Variants in AKAP13 observed in about 807,000 individuals in gnomAD.
AKAP13 encodes the protein A-kinase anchoring protein 13, also known as A-kinase anchor protein 13.
AKAP13 carries 80 observed loss-of-function variants against 264.5 expected under a neutral mutation model. The ratio of observed to expected loss-of-function variants is 0.30; its 90% confidence interval spans 0.25 to 0.36. AKAP13 has a LOEUF of 0.36. Among genes scored for constraint, AKAP13 ranks in the 10% least tolerant of loss-of-function variants. The pLI is 1.00. For synonymous variants in AKAP13, 1,380 were observed against 1,250.2 expected, an observed-to-expected ratio of 1.10 and a Z score of -2.19; for missense variants, 3,712 against 3,435.2, an observed-to-expected ratio of 1.08 and a Z score of -2.01.
intron 1 of AKAP13, among the ~76,000 whole-genome samples, chr15:85,424,931 A>G (rs1333504560): frequency 6.6e-6 from 1 of 152,234 alleles, no homozygotes; most frequent in Non-Finnish European, 1.5e-5. Flanking sequence ...GAGCAGTTAG[A>G]ACATACACAA....
intron 14 of AKAP13, 31 bp from the exon 15 acceptor site, chr15:85,682,127 G>T: frequency 1.2e-6 from 2 of 1,610,608 alleles, no homozygotes; most frequent in Non-Finnish European, 1.7e-6. Context: ...AAATTTTTTG[G>T]TTCTAACTTT....
chr15:85,386,492 G>A (rs193105026), intron 1 of AKAP13, among the ~76,000 whole-genome samples: 105 of 151,666 alleles, frequency 6.9e-4, no homozygotes, highest in African/African-American at 2.4e-3. Flanking sequence ...GTTTCACCAT[G>A]TTGACCAGGG....
chr15:85,585,432 A>G (rs774175122), intron 7 of AKAP13, among the ~76,000 whole-genome samples: 27 of 152,236 alleles, frequency 1.8e-4, no homozygotes, highest in Admixed American at 1.3e-3. Context: ...TAAAAAGTCA[A>G]TAGTGAAATG....
intron 1 of AKAP13, among the ~76,000 whole-genome samples, chr15:85,422,968 G>A (rs375617463): frequency 5.9e-5 from 9 of 152,162 alleles, no homozygotes; most frequent in African/African-American, 1.9e-4. Context: ...TTTGTTTCCC[G>A]GTGCATATGT....
intron 34 of AKAP13, 144 bp downstream of exon 34, chr15:85,740,416 T>A: frequency 1.2e-6 from 1 of 868,878 alleles, no homozygotes; most frequent in Non-Finnish European, 1.8e-6. Flanking sequence ...GCTCTCGTGG[T>A]GAGAAAGTTA....
At chr15:85,524,875 CTGTG>C (rs61626116) in intron 3 of AKAP13, among the ~76,000 whole-genome samples, 1,609 of 147,274 alleles carry the variant, frequency 0.011, 39 homozygotes, top group African/African-American at 0.039. Flanking sequence ...CCCCATTCCC[CTGTG>C]TGTGTGTGTG....
At chr15:85,495,413 A>G (rs2075844415) in intron 2 of AKAP13, among the ~76,000 whole-genome samples, 1 of 152,186 alleles carries the variant, frequency 6.6e-6, no homozygotes, top group Non-Finnish European at 1.5e-5. Flanking sequence ...TTCACTAACT[A>G]AAACGACTAT....
rs1375344088 is a variant in AKAP13, at chr15:85,423,398, T to C, written c.-12+42600T>C. ...AAATCCTTTGTTGTCATTTCAACAA[T>C]GCACAGCATCTGCACCAAGAGTAGA... On this transcript the variant is annotated intron_variant, in intron 1 of 36. Coordinates refer to ENST00000394518, the MANE Select transcript of AKAP13 (RefSeq NM_007200.5). Among the ~76,000 whole-genome samples the C allele has an allele frequency of 2.0e-5, 3 of 152,366 alleles. No individual in the cohort carries two copies. In the East Asian group the frequency reaches 5.8e-4, roughly 29 times the overall value.
chr15:85,683,592 C>T (rs1266245703), intron 15 of AKAP13: 1 of 152,288 alleles, frequency 6.6e-6, no homozygotes, highest in Non-Finnish European at 1.5e-5. Flanking sequence ...GCCTCAGCTT[C>T]CCGGGTAGCT....
Position 85,743,715 on chromosome 15 carries a change from G to A in AKAP13, c.8282G>A (p.Ser2761Asn), listed in dbSNP as rs760537575. 6.8e-6 allele frequency: 11 copies of A among 1,614,072 alleles called. No homozygotes were observed. The highest frequency in any genetic ancestry group is 5.0e-5 in the Admixed American group (3 of 60,012). Residue 2761 changes from serine to asparagine, a missense_variant, in exon 36 of 37, where the codon AGC (serine) becomes AAC (asparagine). Physicochemically the swap from Ser to Asn is conservative, Grantham distance 46. Coordinates refer to ENST00000394518, the MANE Select transcript of AKAP13 (RefSeq NM_007200.5). ...ACAAACAAAGGACCAGAAGGGCAGA[G>A]CCAGGCCCCTGCGTCCACCTCTGCC... Reference protein sequence around the residue: ...SQTNKGPEGQSQAPASTSAST... With the variant: ...SQTNKGPEGQNQAPASTSAST...
chr15:85,611,531 G>A (rs2080623000), intron 8 of AKAP13, among the ~76,000 whole-genome samples: 2 of 152,156 alleles, frequency 1.3e-5, no homozygotes, highest in African/African-American at 4.8e-5. Context: ...CTTGAGCTCT[G>A]CTTTCAGCAG....
intron 36 of AKAP13, 152 bp from the exon 37 acceptor site, chr15:85,744,476 A>G: frequency 1.3e-6 from 1 of 786,818 alleles, no homozygotes; most frequent in South Asian, 1.5e-5. Flanking sequence ...TATTAACCAA[A>G]TTTGTTCAGA....
chr15:85,674,237 C>A (rs1400555231), intron 14 of AKAP13, among the ~76,000 whole-genome samples: 1 of 152,130 alleles, frequency 6.6e-6, no homozygotes, highest in Non-Finnish European at 1.5e-5. Context: ...TCTGAAATTT[C>A]TCAAAATCTG....
rs1165795616 is a variant in AKAP13 at position 85,708,536 on chromosome 15, T to C, written c.5532+450T>C. Among the ~76,000 whole-genome samples the C allele has an allele frequency of 1.3e-5, 2 of 152,026 alleles. No individual in the cohort carries two copies. The highest frequency in any genetic ancestry group is 2.4e-5 in the African/African-American group (1 of 41,374). ...GCCCCAGCCTGTCTGGTAGCACTTT[T>C]CTCCTCAGGTATGTAATATAGGTGG... is the stretch of plus-strand genomic sequence containing the variant. On this transcript the variant is annotated intron_variant, in intron 18 of 36. Transcript: ENST00000394518. The surrounding 1 kb of genome is among the most constrained non-coding windows in gnomAD (Gnocchi z 4.3).
intron 23 of AKAP13, among the ~76,000 whole-genome samples, chr15:85,721,503 T>A (rs2087280976): frequency 6.6e-6 from 1 of 152,166 alleles, no homozygotes; most frequent in Non-Finnish European, 1.5e-5. Flanking sequence ...TGGGAATGAT[T>A]TAAGGGCCTC....
At chr15:85,564,109 A>G (rs1454856435) in intron 5 of AKAP13, among the ~76,000 whole-genome samples, 1 of 152,222 alleles carries the variant, frequency 6.6e-6, no homozygotes, top group Admixed American at 6.5e-5. Context: ...TTCTGTCAGT[A>G]TCTGTTTAAG....
chr15:85,602,821 TA>T (rs2080150781), intron 8 of AKAP13, among the ~76,000 whole-genome samples: 1 of 152,234 alleles, frequency 6.6e-6, no homozygotes, highest in Non-Finnish European at 1.5e-5. Flanking sequence ...TACTCATGCA[TA>T]ATTTTGTAAA....
chr15:85,386,775 T>A (rs2070585118), intron 1 of AKAP13, among the ~76,000 whole-genome samples: 1 of 152,036 alleles, frequency 6.6e-6, no homozygotes, highest in Admixed American at 6.6e-5. Context: ...TTTTTTTTTT[T>A]GCAAGTTGAT....
At chr15:85,704,541 T>A (rs1195009386) in intron 17 of AKAP13, among the ~76,000 whole-genome samples, 1 of 152,182 alleles carries the variant, frequency 6.6e-6, no homozygotes. Flanking sequence ...GATGCCTCCT[T>A]GTAGCAAAGA....
Sources: gnomAD v4.1 joint callset for allele counts (sites outside exome capture counted in the v4.1 genomes callset) on GRCh38, gnomAD v4.1.1 for gene constraint, Gnocchi (gnomAD v3.1) non-coding constraint, MANE v1.5 for transcripts, NCBI Gene and HGNC (gene_info 2026-07-23, HGNC 2026-07-21) for gene names.